LRP1B: variants seen among roughly 807,000 people sequenced by gnomAD.
LRP1B encodes low-density lipoprotein receptor-related protein 1B.
A neutral mutation model predicts 556.6 loss-of-function variants in LRP1B; 217 were observed. That is an observed-to-expected ratio of 0.39 (90% CI 0.35 to 0.44). The LOEUF (loss-of-function observed/expected upper bound fraction) is 0.44. Among genes scored for constraint, LRP1B ranks in the 20% least tolerant of loss-of-function variants. LRP1B has a pLI of 1.00. For synonymous variants in LRP1B, 2,047 were observed against 1,865.8 expected (o/e 1.10, Z -2.50); for missense variants, 5,053 against 5,620.8 (o/e 0.90, Z 3.23).
chr2:141,135,290 A>G (rs553323153), intron 7 of LRP1B, among the ~76,000 whole-genome samples: 3 of 152,118 alleles, frequency 2.0e-5, no homozygotes, highest in African/African-American at 7.2e-5. Flanking sequence ...GTAGAACACA[A>G]TTACATTTTA....
At chr2:140,534,542 A>G (rs1220222822) in intron 46 of LRP1B, among the ~76,000 whole-genome samples, 1 of 152,172 alleles carries the variant, frequency 6.6e-6, no homozygotes, top group African/African-American at 2.4e-5. Flanking sequence ...CAAGGATTTT[A>G]TAATAAGGAA....
At chr2:140,651,425 C>T (rs924581019) in intron 41 of LRP1B, among the ~76,000 whole-genome samples, 3 of 146,534 alleles carry the variant, frequency 2.0e-5, no homozygotes, top group Non-Finnish European at 3.0e-5. Flanking sequence ...GTGGGTGCAG[C>T]GCACCAGCAT....
intron 1 of LRP1B, among the ~76,000 whole-genome samples, chr2:142,045,173 A>T (rs1704213123): frequency 6.6e-6 from 1 of 151,284 alleles, no homozygotes; most frequent in Non-Finnish European, 1.5e-5. Context: ...CAAAAAAGGA[A>T]ATGACTGTGT....
At position 141,360,576 on chromosome 2, in the gene LRP1B, T is replaced by A. The variant is rs555295940; in HGVS notation, c.344-105935A>T. ...CCAAGTCAAAAAGAAAGACATATAC[T>A]CCAGGTAATGTAAAGGTGGTGTAAC... is the stretch of plus-strand genomic sequence containing the variant. On this transcript the variant is annotated intron_variant, in intron 3 of 90. Coordinates refer to ENST00000389484, the MANE Select transcript of LRP1B (RefSeq NM_018557.3). 2.6e-5 allele frequency among the ~76,000 whole-genome samples: 4 copies of A among 152,328 alleles called. No individual in the cohort carries two copies. In the East Asian group the frequency reaches 7.7e-4, roughly 29 times the overall value.
At chr2:141,611,179 A>G (rs1688098196) in intron 2 of LRP1B, among the ~76,000 whole-genome samples, 2 of 152,226 alleles carry the variant, frequency 1.3e-5, no homozygotes, top group South Asian at 4.1e-4. Context: ...CCCATAGTTA[A>G]AGGAGCTACA....
At chr2:140,842,041 A>G (rs1001194751) in intron 29 of LRP1B, among the ~76,000 whole-genome samples, 1 of 152,210 alleles carries the variant, frequency 6.6e-6, no homozygotes, top group Non-Finnish European at 1.5e-5. Context: ...AACTGTTAAA[A>G]TAAAGATTCT....
chr2:141,467,838 C>G (rs6714368), intron 3 of LRP1B, among the ~76,000 whole-genome samples: 107,157 of 120,776 alleles, frequency 0.89, 47,159 homozygotes, highest in East Asian at 0.97. Context: ...TGTTTGCGGA[C>G]CGGGGGGGGG....
At chr2:140,261,749 T>A (rs750976371) in intron 86 of LRP1B, among the ~76,000 whole-genome samples, 50 of 151,914 alleles carry the variant, frequency 3.3e-4, no homozygotes, top group Non-Finnish European at 6.6e-4. Flanking sequence ...TAGGGTCTCA[T>A]TTTTTAGTAT....
intron 17 of LRP1B, among the ~76,000 whole-genome samples, chr2:140,988,787 A>G (rs546826574): frequency 3.3e-5 from 5 of 152,292 alleles, no homozygotes; most frequent in African/African-American, 1.2e-4. Flanking sequence ...GTTGCTCTAT[A>G]TAATGGTTTA....
rs144795293 is a variant in LRP1B at position 141,939,240 on chromosome 2, C to T, written c.83-128839G>A. Among the ~76,000 whole-genome samples, 2 of 152,030 alleles carry T rather than the reference C, an allele frequency of 1.3e-5. 1 individual carries two copies. Among genetic ancestry groups the T allele is most frequent in the Non-Finnish European group, 2.9e-5 (2 of 67,912 alleles). On this transcript the variant is annotated intron_variant, in intron 1 of 90. Coordinates refer to ENST00000389484, the MANE Select transcript of LRP1B (RefSeq NM_018557.3). ...ATATACATCAAAATGGCATGCTTTA[C>T]ACTGTATATATACACACACACAATA...
intron 11 of LRP1B, among the ~76,000 whole-genome samples, chr2:141,033,908 A>T (rs74791197): frequency 6.6e-6 from 1 of 152,040 alleles, no homozygotes; most frequent in South Asian, 2.1e-4. Flanking sequence ...TTTTTGTATG[A>T]TTTTTGAGAC....
chr2:141,841,570 C>G (rs1223748788), intron 1 of LRP1B, among the ~76,000 whole-genome samples: 3 of 152,186 alleles, frequency 2.0e-5, no homozygotes. Flanking sequence ...TCATTGCTAT[C>G]AATGCCTTTC....
chr2:142,107,888 C>T (rs1473959248), intron 1 of LRP1B, among the ~76,000 whole-genome samples: 1 of 149,548 alleles, frequency 6.7e-6, no homozygotes, highest in Non-Finnish European at 1.5e-5. Flanking sequence ...TCAAGTGATC[C>T]GCCCACCTCG....
At chr2:142,058,983 G>A (rs779837696) in intron 1 of LRP1B, among the ~76,000 whole-genome samples, 29 of 152,194 alleles carry the variant, frequency 1.9e-4, no homozygotes, top group Admixed American at 3.9e-4. Flanking sequence ...TATAGGGTTT[G>A]CCATAAGCAT....
intron 1 of LRP1B, among the ~76,000 whole-genome samples, chr2:142,095,448 A>G (rs1706327253): frequency 6.6e-6 from 1 of 151,842 alleles, no homozygotes; most frequent in Admixed American, 6.6e-5. Flanking sequence ...ATAAACAACC[A>G]TTTAACCTAA....
chr2:141,941,449 G>T (rs1700800837), intron 1 of LRP1B, among the ~76,000 whole-genome samples: 1 of 152,226 alleles, frequency 6.6e-6, no homozygotes, highest in African/African-American at 2.4e-5. Context: ...TTACAGCAGA[G>T]CCTCCTGCTG....
intron 2 of LRP1B, among the ~76,000 whole-genome samples, chr2:141,609,150 A>T (rs1350287914): frequency 6.6e-6 from 1 of 152,202 alleles, no homozygotes; most frequent in Non-Finnish European, 1.5e-5. Context: ...CAATAAATAA[A>T]ACCCAGATTT....
chr2:141,708,487 A>G (rs1692234540), intron 2 of LRP1B, among the ~76,000 whole-genome samples: 1 of 152,166 alleles, frequency 6.6e-6, no homozygotes, highest in Non-Finnish European at 1.5e-5. Flanking sequence ...ATACCGACAC[A>G]TGCTTACAAT....
At chr2:140,963,095 C>G (rs1340669318) in intron 18 of LRP1B, among the ~76,000 whole-genome samples, 1 of 152,104 alleles carries the variant, frequency 6.6e-6, no homozygotes, top group Non-Finnish European at 1.5e-5. Flanking sequence ...ACATCTTAGG[C>G]AAAGATGCAT....
Sources: gnomAD v4.1 joint callset for allele counts (sites outside exome capture counted in the v4.1 genomes callset) on GRCh38, gnomAD v4.1.1 for gene constraint, MANE v1.5 for transcripts, NCBI Gene and HGNC (gene_info 2026-07-23, HGNC 2026-07-21) for gene names.